The following SLC44A5 variants were observed in gnomAD, a reference collection of about 807,000 sequenced individuals.
SLC44A5 encodes the protein solute carrier family 44 member 5.
In SLC44A5, 57 loss-of-function variants were observed where a neutral mutation model predicts 101.8. The ratio of observed to expected loss-of-function variants is 0.56; its 90% CI spans 0.45 to 0.70. The LOEUF (loss-of-function observed/expected upper bound fraction) is 0.70. Ranked by LOEUF, SLC44A5 falls within the 30% of genes least tolerant of loss-of-function variation. The pLI is 0.00. For synonymous variants in SLC44A5, 281 were observed against 290.9 expected, an observed-to-expected ratio of 0.97 and a Z score of 0.35; for missense variants, 737 against 853.1, an observed-to-expected ratio of 0.86 and a Z score of 1.70.
At chr1:75,522,780 T>G (rs998321111) in intron 2 of SLC44A5, among the ~76,000 whole-genome samples, 1 of 152,356 alleles carries the variant, frequency 6.6e-6, no homozygotes, top group East Asian at 1.9e-4. Context: ...CATTTCTTTC[T>G]GTGACTTAAA....
At chr1:75,320,991 T>A (rs1044950304) in intron 4 of SLC44A5, among the ~76,000 whole-genome samples, 19 of 152,060 alleles carry the variant, frequency 1.2e-4, no homozygotes, top group Non-Finnish European at 4.4e-5. Flanking sequence ...GCAAAAAAAA[T>A]TCCCGAGCAA....
chr1:75,470,782 G>C (rs557800361), intron 2 of SLC44A5, among the ~76,000 whole-genome samples: 1 of 152,130 alleles, frequency 6.6e-6, no homozygotes, highest in African/African-American at 2.4e-5. Context: ...GTTGGGAGGG[G>C]CTGTCCAGGT....
At chr1:75,668,526 C>T in the SLC44A5 span, among the ~76,000 whole-genome samples, 1 of 150,732 alleles carries the variant, frequency 6.6e-6, no homozygotes, top group Non-Finnish European at 1.5e-5. Context: ...GTTCCCCAGG[C>T]TGGTCAGCTG....
intron 6 of SLC44A5, among the ~76,000 whole-genome samples, chr1:75,271,797 T>C (rs1651502837): frequency 6.6e-6 from 1 of 152,070 alleles, no homozygotes; most frequent in South Asian, 2.1e-4. Flanking sequence ...GTGTCTTTTT[T>C]ACATAATGAC....
At chr1:75,692,271 G>A in the SLC44A5 span, among the ~76,000 whole-genome samples, 1 of 134,204 alleles carries the variant, frequency 7.5e-6, no homozygotes, top group African/African-American at 2.9e-5. Flanking sequence ...TTGGCTCACT[G>A]CAACCTCCAC....
the SLC44A5 span, among the ~76,000 whole-genome samples, chr1:75,652,158 C>G: frequency 6.6e-6 from 1 of 152,166 alleles, no homozygotes; most frequent in African/African-American, 2.4e-5. Flanking sequence ...GTACATGCAG[C>G]CCCTCCCAAG....
intron 2 of SLC44A5, among the ~76,000 whole-genome samples, chr1:75,465,743 T>C (rs1666777418): frequency 6.6e-6 from 1 of 152,156 alleles, no homozygotes; most frequent in Non-Finnish European, 1.5e-5. Flanking sequence ...TAGTGGCTAC[T>C]ATGAGCAACT....
rs146096426 is a variant in SLC44A5, at chr1:75,211,677, T to A, written c.1963-125A>T. 3 of 612,230 alleles carry A rather than the reference T, an allele frequency of 4.9e-6. No individual in the cohort carries two copies. The East Asian group carries it at 8.9e-5, about 18-fold the overall frequency. The allele number at this position is 612,230 out of a possible 1,614,324, so 37.9% of individuals were successfully genotyped here. A position where few individuals can be genotyped will look rare whatever the true frequency, so the allele number is the denominator to read the frequency against. ...TACTCTGTATGGGAAAAGAGTTCAG[T>A]ATAGAGACCAAAAAGTTCAATGATA... On this transcript the variant is annotated intron_variant, in intron 22 of 23. Coordinates refer to ENST00000370859, the MANE Select transcript of SLC44A5 (RefSeq NM_001130058.2).
chr1:75,525,976 AT>A lies in SLC44A5; in HGVS notation c.13+15458del, dbSNP rs370807840. Among the ~76,000 whole-genome samples the A allele has an allele frequency of 5.8e-3, 882 of 152,308 alleles. 4 individuals carry two copies. Among genetic ancestry groups the A allele is most frequent in the African/African-American group, 0.02 (845 of 41,572 alleles). On this transcript the variant is annotated intron_variant, in intron 2 of 23. Coordinates refer to ENST00000370859, the MANE Select transcript of SLC44A5 (RefSeq NM_001130058.2). Reference sequence around the variant, plus strand: ...GAAAATGTTTAAAGTTAATGGAAAAATATCCAAAAAGGTACGTTTAATGTAA... The same window carrying A: ...GAAAATGTTTAAAGTTAATGGAAAAAATCCAAAAAGGTACGTTTAATGTAA...
At chr1:75,209,494 C>T (rs1646811971) in intron 23 of SLC44A5, among the ~76,000 whole-genome samples, 1 of 152,150 alleles carries the variant, frequency 6.6e-6, no homozygotes, top group South Asian at 2.1e-4. Flanking sequence ...ACTGTTTGTT[C>T]ATGTGATATT....
chr1:75,349,436 G>A (rs1658481975), intron 3 of SLC44A5, among the ~76,000 whole-genome samples: 1 of 152,308 alleles, frequency 6.6e-6, no homozygotes, highest in Middle Eastern at 3.4e-3. Context: ...TCCAGAAATA[G>A]GGAATAGAGA....
intron 3 of SLC44A5, among the ~76,000 whole-genome samples, chr1:75,392,381 G>A (rs368841972): frequency 1.4e-4 from 21 of 152,030 alleles, no homozygotes; most frequent in African/African-American, 5.1e-4. Flanking sequence ...TATACAAGTG[G>A]CCAAGAAACA....
intron 1 of SLC44A5, among the ~76,000 whole-genome samples, chr1:75,579,745 TAGA>T (rs1176099136): frequency 6.6e-6 from 1 of 151,986 alleles, no homozygotes; most frequent in Admixed American, 6.6e-5. Context: ...ACAGAATATA[TAGA>T]AGAACAAATC....
intron 4 of SLC44A5, among the ~76,000 whole-genome samples, chr1:75,305,111 C>T (rs1207012676): frequency 6.6e-6 from 1 of 152,202 alleles, no homozygotes; most frequent in Non-Finnish European, 1.5e-5. Context: ...GTGCAGACTT[C>T]CCTTTCCTCC....
chr1:75,403,113 T>C (rs1207783965), intron 2 of SLC44A5, among the ~76,000 whole-genome samples: 1 of 152,126 alleles, frequency 6.6e-6, no homozygotes, highest in South Asian at 2.1e-4. Context: ...ACCACAGCAC[T>C]GCAAAGACAC....
chr1:75,448,916 TCTC>T (rs758345146), intron 2 of SLC44A5, among the ~76,000 whole-genome samples: 2 of 152,158 alleles, frequency 1.3e-5, no homozygotes, highest in South Asian at 2.1e-4. Context: ...CTCTCACTAT[TCTC>T]CTCTCTCCAC....
At chr1:75,331,755 G>A (rs1557671571) in intron 4 of SLC44A5, among the ~76,000 whole-genome samples, 1 of 152,012 alleles carries the variant, frequency 6.6e-6, no homozygotes, top group Non-Finnish European at 1.5e-5. Flanking sequence ...ACTCACACGG[G>A]CCTCTCTGCT....
At chr1:75,238,431 A>G in intron 10 of SLC44A5, 82 bp downstream of exon 10, 1 of 728,890 alleles carries the variant, frequency 1.4e-6, no homozygotes, top group Non-Finnish European at 2.0e-6. Context: ...TTTTCCTATA[A>G]CCCTTAACCC....
intron 3 of SLC44A5, chr1:75,354,077 A>T: frequency 3.6e-6 from 1 of 281,494 alleles, no homozygotes; most frequent in Non-Finnish European, 6.9e-6. Flanking sequence ...ATAAGTTAGC[A>T]GAGGGATTTT....
Sources: gnomAD v4.1 joint callset for allele counts (sites outside exome capture counted in the v4.1 genomes callset) on GRCh38, gnomAD v4.1.1 for gene constraint, MANE v1.5 for transcripts, NCBI Gene and HGNC (gene_info 2026-07-23, HGNC 2026-07-21) for gene names.